GSDME: variants seen among roughly 807,000 people sequenced by gnomAD.
The protein encoded by GSDME is gasdermin-E.
In GSDME, 44 loss-of-function variants were observed where a neutral mutation model predicts 47.5. The observed-to-expected ratio is 0.93, with a 90% confidence interval of 0.73 to 1.19. The LOEUF is 1.19. GSDME is among the 50% of genes most tolerant of loss of function. GSDME has a pLI of 0.00. For missense variants in GSDME, 663 were observed against 604.2 expected (o/e 1.10, Z -1.02); for synonymous variants, 258 against 252.8 (o/e 1.02, Z -0.20).
intron 2 of GSDME, among the ~76,000 whole-genome samples, chr7:24,749,109 T>G (rs946088051): frequency 6.6e-6 from 1 of 152,164 alleles, no homozygotes; most frequent in African/African-American, 2.4e-5. Flanking sequence ...CCTGCAGAAT[T>G]TTGTTCATTT....
chr7:24,703,473 T>G (rs1788963719), intron 8 of GSDME: 1 of 161,786 alleles, frequency 6.2e-6, no homozygotes, highest in Admixed American at 5.7e-5. Flanking sequence ...TCAGTGTTAT[T>G]CAAAGTGGAT....
Position 24,698,938 on chromosome 7 carries a change from T to C in GSDME, c.*88A>G, listed in dbSNP as rs1016635845. On this transcript the variant is annotated 3_prime_UTR_variant, in exon 10 of 10. Coordinates refer to ENST00000645220, the MANE Select transcript of GSDME (RefSeq NM_001127453.2). The stretch of plus-strand genomic sequence containing the variant: ...TAAACTGTTCTGTAAATTCATTTCA[T>C]TGGTCAACTTTTAACGTGCATATGA... 4 of 916,758 alleles carry C rather than the reference T, an allele frequency of 4.4e-6. No individual in the cohort carries two copies. The highest frequency in any genetic ancestry group is 7.1e-6 in the Non-Finnish European group (4 of 566,878). The allele number at this position is 916,758 out of a possible 1,614,324, so 56.8% of individuals were successfully genotyped here.
Position 24,702,845 on chromosome 7 carries a change from A to T in GSDME, c.1184-12T>A. On this transcript the variant is annotated splice_polypyrimidine_tract_variant and intron_variant, in intron 8 of 9. Coordinates refer to ENST00000645220, the MANE Select transcript of GSDME (RefSeq NM_001127453.2). ...GCTATCTGGCATTTCTGCAGGAGAG[A>T]AAAATCACAGTCACAGTCCAAAAAA... 3 of 1,611,402 alleles carry T rather than the reference A, an allele frequency of 1.9e-6. No individual in the cohort carries two copies. In the South Asian group the frequency reaches 3.3e-5, roughly 18 times the overall value.
chr7:24,722,499 C>T lies in GSDME; in HGVS notation c.405-3281G>A, dbSNP rs796083381. Among the ~76,000 whole-genome samples the T allele has an allele frequency of 4.9e-4, 74 of 152,300 alleles. 1 individual carries two copies. The highest frequency in any genetic ancestry group is 1.7e-3 in the African/African-American group (70 of 41,564). ...CTCAAAATTCTAGCAGATTCTTGAA[C>T]GTCTGTCTGTGCCCTCACAACTAAG... On this transcript the variant is annotated intron_variant, in intron 3 of 9. Coordinates refer to ENST00000645220, the MANE Select transcript of GSDME (RefSeq NM_001127453.2).
rs1273851041 is a variant in GSDME, at chr7:24,736,109, AAAAG to A, written c.404+8449_404+8452del. Among the ~76,000 whole-genome samples the A allele has an allele frequency of 6.6e-6, 1 of 152,184 alleles. No individual in the cohort carries two copies. The highest frequency in any genetic ancestry group is 1.5e-5 in the Non-Finnish European group (1 of 68,028). On this transcript the variant is annotated intron_variant, in intron 3 of 9. Coordinates refer to ENST00000645220, the MANE Select transcript of GSDME (RefSeq NM_001127453.2). The surrounding 1 kb of genome is among the most constrained non-coding windows in gnomAD (Gnocchi z 4.6). ...CCTTCACTAAAAGGAAGACAGGAAG[AAAAG>A]AAAGAAGGAGGAGAAGACCACAAAA...
At chr7:24,707,157 A>ACAAT (rs1259440880) in intron 7 of GSDME, 2 of 369,864 alleles carry the variant, frequency 5.4e-6, no homozygotes, top group African/African-American at 4.3e-5. Flanking sequence ...CTCTTTCGGC[A>ACAAT]CAATCTAATT....
chr7:24,768,921 G>T, the GSDME span, among the ~76,000 whole-genome samples: 1 of 152,238 alleles, frequency 6.6e-6, no homozygotes, highest in South Asian at 2.1e-4. This position sits in a 1 kb window ranked among gnomAD's most constrained non-coding sequence, Gnocchi z 5.6. Context: ...CCCCTGGTAT[G>T]TGCTTGGCAC....
In GSDME at chr7:24,733,764, T is replaced by C. The variant is rs1407543780; in HGVS notation, c.404+10798A>G. On this transcript the variant is annotated intron_variant, in intron 3 of 9. Transcript: ENST00000645220. This position sits in a 1 kb window ranked among gnomAD's most constrained non-coding sequence, Gnocchi z 4.3. ...GAGTGCCAGTTGAGCCACAGTAGAG[T>C]AGAGCACCACATAGATTTCTAAGGT... Among the ~76,000 whole-genome samples, 1 of 151,898 alleles carries C rather than the reference T, an allele frequency of 6.6e-6. No homozygotes were observed. Among genetic ancestry groups the C allele is most frequent in the African/African-American group, 2.4e-5 (1 of 41,316 alleles).
the GSDME span, among the ~76,000 whole-genome samples, chr7:24,771,183 A>G: frequency 6.6e-6 from 1 of 152,358 alleles, no homozygotes. The surrounding 1 kb of genome is among the most constrained non-coding windows in gnomAD (Gnocchi z 4.1). Context: ...TGTAAATGCT[A>G]AAAGGAACAA....
At chr7:24,731,306 G>A (rs905683097) in intron 3 of GSDME, among the ~76,000 whole-genome samples, 4 of 152,176 alleles carry the variant, frequency 2.6e-5, no homozygotes, top group African/African-American at 7.2e-5. Flanking sequence ...AGACTTCTCC[G>A]TAGCCCAGCT....
chr7:24,719,026 G>C (rs876307), intron 4 of GSDME, 21 bp downstream of exon 4: 1 of 1,610,862 alleles, frequency 6.2e-7, no homozygotes, highest in Non-Finnish European at 8.5e-7. Context: ...CATGAACGCA[G>C]GGCAGCCCGA....
At chr7:24,764,633 GCAGCCAACTAA>G in the GSDME span, among the ~76,000 whole-genome samples, 2 of 152,156 alleles carry the variant, frequency 1.3e-5, no homozygotes, top group South Asian at 4.1e-4. This position sits in a 1 kb window ranked among gnomAD's most constrained non-coding sequence, Gnocchi z 4.4. Flanking sequence ...GTCAGTGTGG[GCAGCCAACTAA>G]GACATGGCTG....
chr7:24,772,887 A>C, the GSDME span, among the ~76,000 whole-genome samples: 126 of 152,298 alleles, frequency 8.3e-4, no homozygotes, highest in Non-Finnish European at 1.5e-3. The surrounding 1 kb of genome is among the most constrained non-coding windows in gnomAD (Gnocchi z 4.5). Flanking sequence ...GTTCAATGAG[A>C]CTTGATCTTA....
At chr7:24,708,356 C>T in intron 6 of GSDME, 102 bp from the exon 7 acceptor site, 1 of 1,367,960 alleles carries the variant, frequency 7.3e-7, no homozygotes, top group Non-Finnish European at 1.0e-6. Flanking sequence ...TCAGTTCTTT[C>T]ATGGATATTC....
chr7:24,748,799 T>C (rs541084696), intron 2 of GSDME, among the ~76,000 whole-genome samples: 1 of 152,204 alleles, frequency 6.6e-6, no homozygotes, highest in South Asian at 2.1e-4. Flanking sequence ...CCCATCTCCA[T>C]TCACTAATCA....
In GSDME at chr7:24,756,107, C is replaced by G. The variant is rs1160696813; in HGVS notation, c.-20+1289G>C. Among the ~76,000 whole-genome samples the G allele has an allele frequency of 6.6e-6, 1 of 152,120 alleles. No individual in the cohort carries two copies. The highest frequency in any genetic ancestry group is 1.5e-5 in the Non-Finnish European group (1 of 68,018). On this transcript the variant is annotated intron_variant, in intron 1 of 9. Coordinates refer to ENST00000645220, the MANE Select transcript of GSDME (RefSeq NM_001127453.2). The surrounding 1 kb of genome is among the most constrained non-coding windows in gnomAD (Gnocchi z 4.2). Reference sequence around the variant, plus strand: ...TCTAAAATAAAAATCGGTATGTGAACGCAATGATGGTCATAAGACAGGCAG... The same window carrying G: ...TCTAAAATAAAAATCGGTATGTGAAGGCAATGATGGTCATAAGACAGGCAG...
chr7:24,706,188 G>A lies in GSDME; in HGVS notation c.1179C>T (p.Leu393=), dbSNP rs368035633. 96 of 1,614,076 alleles carry A rather than the reference G, an allele frequency of 5.9e-5. No individual in the cohort carries two copies. Among genetic ancestry groups the A allele is most frequent in the Admixed American group, 1.2e-4 (7 of 60,008 alleles). ...TTCATTTTCTTTTCTCCTTACCTGC[G>A]AGGGCACTGACCAAGAAGTAGGCTG... ...FMTAYFLVSA[L]AEMPDSAAAL... The change falls in exon 8 of 10, where the codon CTC becomes CTT. Residue 393 remains leucine (L), a synonymous_variant. Transcript: ENST00000645220.
Position 24,754,836 on chromosome 7 carries a change from A to C in GSDME, c.-20+2560T>G, listed in dbSNP as rs543756634. On this transcript the variant is annotated intron_variant, in intron 1 of 9. Transcript: ENST00000645220. This position sits in a 1 kb window ranked among gnomAD's most constrained non-coding sequence, Gnocchi z 5.0. ...GAAGAGAAACCTCATTCTTTCTCAC[A>C]CTCCATTCAGGATTCTTCTTAAAAG... is the stretch of plus-strand genomic sequence containing the variant. Among the ~76,000 whole-genome samples the C allele has an allele frequency of 6.6e-6, 1 of 152,326 alleles. No individual in the cohort carries two copies. Among genetic ancestry groups the C allele is most frequent in the Non-Finnish European group, 1.5e-5 (1 of 68,030 alleles).
In GSDME at chr7:24,742,075, G is replaced by C. The variant is rs1790510203; in HGVS notation, c.404+2487C>G. Among the ~76,000 whole-genome samples the C allele has an allele frequency of 6.6e-6, 1 of 152,214 alleles. No homozygotes were observed. The highest frequency in any genetic ancestry group is 6.5e-5 in the Admixed American group (1 of 15,286). On this transcript the variant is annotated intron_variant, in intron 3 of 9. Transcript: ENST00000645220. The surrounding 1 kb of genome is among the most constrained non-coding windows in gnomAD (Gnocchi z 4.4). ...CAAGTAATAGGACTCCCGAGTCCAA[G>C]TGATCTCATCCCTGTGTCCAGGCAC...
Sources: allele counts gnomAD v4.1 joint callset (sites outside exome capture counted in the v4.1 genomes callset), GRCh38; gene constraint gnomAD v4.1.1; non-coding constraint Gnocchi (gnomAD v3.1); transcripts MANE v1.5; gene names NCBI Gene and HGNC (gene_info 2026-07-23, HGNC 2026-07-21).